Variants in GPR158 observed in about 807,000 individuals in gnomAD.
GPR158 encodes metabotropic glycine receptor.
In GPR158, 30 loss-of-function variants were observed where a neutral mutation model predicts 78.2. That is an observed-to-expected ratio of 0.38 (90% CI 0.29 to 0.52). The LOEUF is 0.52. Ranked by LOEUF, GPR158 falls within the 20% of genes least tolerant of loss-of-function variation. GPR158 has a pLI of 0.83. For missense variants in GPR158, 1,463 were observed against 1,523.5 expected (o/e 0.96, Z 0.66); for synonymous variants, 581 against 591.1 (o/e 0.98, Z 0.25).
intron 5 of GPR158, among the ~76,000 whole-genome samples, chr10:25,472,204 A>T (rs376931731): frequency 1.3e-5 from 2 of 151,954 alleles, no homozygotes; most frequent in Non-Finnish European, 1.5e-5. Flanking sequence ...TCCCAGCACC[A>T]TTTATTAAAT....
At chr10:25,576,789 T>C (rs907141362) in intron 7 of GPR158, among the ~76,000 whole-genome samples, 1 of 152,096 alleles carries the variant, frequency 6.6e-6, no homozygotes, top group African/African-American at 2.4e-5. Context: ...CCTAAAGGTG[T>C]TAGGCAATAA....
At chr10:25,573,529 T>C (rs934163351) in intron 7 of GPR158, among the ~76,000 whole-genome samples, 7 of 152,238 alleles carry the variant, frequency 4.6e-5, no homozygotes, top group African/African-American at 9.6e-5. Context: ...ACACGGATTA[T>C]TTTTCTGGCA....
chr10:25,452,854 GT>G (rs1258950311), intron 4 of GPR158, among the ~76,000 whole-genome samples: 1 of 152,100 alleles, frequency 6.6e-6, no homozygotes, highest in African/African-American at 2.4e-5. Context: ...ATAACTGAAA[GT>G]TTTTACTCTT....
intron 7 of GPR158, among the ~76,000 whole-genome samples, chr10:25,574,816 C>T (rs979096155): frequency 5.3e-5 from 8 of 152,142 alleles, no homozygotes; most frequent in Non-Finnish European, 7.4e-5. Flanking sequence ...ACCCAAGAGG[C>T]GGAGGTCGCA....
At chr10:25,564,913 T>C (rs547205121) in intron 6 of GPR158, among the ~76,000 whole-genome samples, 3 of 152,292 alleles carry the variant, frequency 2.0e-5, no homozygotes, top group South Asian at 2.1e-4. Context: ...TCCATCATTT[T>C]TGAGATTGTA....
intron 7 of GPR158, among the ~76,000 whole-genome samples, chr10:25,573,538 C>A (rs1837042921): frequency 6.6e-6 from 1 of 152,184 alleles, no homozygotes; most frequent in African/African-American, 2.4e-5. Context: ...ATTTTTCTGG[C>A]AGCCCAGTGT....
At chr10:25,595,032 T>TC (rs397938740) in intron 9 of GPR158, among the ~76,000 whole-genome samples, 1 of 152,122 alleles carries the variant, frequency 6.6e-6, no homozygotes, top group African/African-American at 2.4e-5. Flanking sequence ...GAGTTTTTTT[T>TC]CTCTGGGGGG....
chr10:25,451,080 C>T (rs1218847191), intron 4 of GPR158, among the ~76,000 whole-genome samples: 1 of 152,062 alleles, frequency 6.6e-6, no homozygotes, highest in East Asian at 1.9e-4. Context: ...TCAACTTTTT[C>T]AACAGGTACT....
intron 2 of GPR158, among the ~76,000 whole-genome samples, chr10:25,355,630 A>T (rs1855540374): frequency 6.6e-6 from 1 of 151,984 alleles, no homozygotes; most frequent in Non-Finnish European, 1.5e-5. Flanking sequence ...TTCTGTGTCT[A>T]GCATATTTTG....
intron 5 of GPR158, among the ~76,000 whole-genome samples, chr10:25,533,581 T>C (rs1485979434): frequency 1.3e-5 from 2 of 152,226 alleles, no homozygotes; most frequent in Non-Finnish European, 2.9e-5. Context: ...ACATTCATTT[T>C]ACCATTTGTT....
intron 5 of GPR158, among the ~76,000 whole-genome samples, chr10:25,469,850 G>T (rs1835473977): frequency 6.9e-6 from 1 of 145,560 alleles, no homozygotes; most frequent in African/African-American, 2.6e-5. Flanking sequence ...AACATTCACT[G>T]CTACCACCTG....
intron 4 of GPR158, among the ~76,000 whole-genome samples, chr10:25,441,079 G>A (rs536560581): frequency 1.4e-4 from 21 of 152,294 alleles, no homozygotes; most frequent in African/African-American, 5.1e-4. Flanking sequence ...TGGGCCTATG[G>A]CAGTAGAAAT....
chr10:25,458,571 T>C (rs1026750249), intron 4 of GPR158, among the ~76,000 whole-genome samples: 1 of 152,196 alleles, frequency 6.6e-6, no homozygotes, highest in Non-Finnish European at 1.5e-5. Context: ...GAAAGATTCA[T>C]GAAGAACTAC....
In GPR158 at chr10:25,495,540, C is replaced by A. The variant is rs1269242327; in HGVS notation, c.1404+28821C>A. 3.3e-5 allele frequency among the ~76,000 whole-genome samples: 5 copies of A among 152,060 alleles called. No individual in the cohort carries two copies. The East Asian group carries it at 7.7e-4, about 24-fold the overall frequency. The stretch of plus-strand genomic sequence containing the variant: ...ATCTCCTGACCTCGTGATCCACCCA[C>A]TTCAGCCTCCCAAAGTGCTGGGATT... On this transcript the variant is annotated intron_variant, in intron 5 of 10. Coordinates refer to ENST00000376351, the MANE Select transcript of GPR158 (RefSeq NM_020752.3).
At chr10:25,363,624 A>G (rs1855674446) in intron 2 of GPR158, among the ~76,000 whole-genome samples, 1 of 151,900 alleles carries the variant, frequency 6.6e-6, no homozygotes, top group Non-Finnish European at 1.5e-5. Flanking sequence ...ATCTGATTAG[A>G]TCTTACAATG....
chr10:25,466,742 TA>T, intron 5 of GPR158, 23 bp downstream of exon 5: 1 of 1,414,532 alleles, frequency 7.1e-7, no homozygotes, highest in Non-Finnish European at 9.9e-7. Context: ...ATTTTGTTTT[TA>T]AAGTAGAAAT....
intron 2 of GPR158, among the ~76,000 whole-genome samples, chr10:25,246,290 C>T (rs943748911): frequency 3.3e-5 from 5 of 152,156 alleles, no homozygotes; most frequent in Non-Finnish European, 7.3e-5. Flanking sequence ...AAAGCCATGA[C>T]ATCTTTGCAA....
chr10:25,517,540 C>T (rs1264430231), intron 5 of GPR158, among the ~76,000 whole-genome samples: 6 of 152,000 alleles, frequency 3.9e-5, no homozygotes, highest in African/African-American at 7.3e-5. Flanking sequence ...TTTTGAAATA[C>T]GTCCCATCAA....
chr10:25,216,047 T>G (rs555977654), intron 1 of GPR158, among the ~76,000 whole-genome samples: 1 of 152,326 alleles, frequency 6.6e-6, no homozygotes, highest in South Asian at 2.1e-4. Flanking sequence ...TCATTGTCCT[T>G]CAAAACTGAC....
Sources: gnomAD v4.1 joint callset for allele counts (sites outside exome capture counted in the v4.1 genomes callset) on GRCh38, gnomAD v4.1.1 for gene constraint, MANE v1.5 for transcripts, NCBI Gene and HGNC (gene_info 2026-07-23, HGNC 2026-07-21) for gene names.